MTUS1: variants seen among roughly 807,000 people sequenced by gnomAD.
MTUS1 encodes microtubule-associated tumor suppressor 1.
In MTUS1, 109 loss-of-function variants were observed where a neutral mutation model predicts 120.8. That is an observed-to-expected ratio of 0.90 (90% CI 0.77 to 1.06). The LOEUF is 1.06. Ranked by LOEUF, MTUS1 falls within the 50% of genes least tolerant of loss-of-function variation. The pLI, the probability that MTUS1 is intolerant of heterozygous loss-of-function variation, is 0.00. For synonymous variants in MTUS1, 737 were observed against 550.5 expected (o/e 1.34, Z -4.74); for missense variants, 2,210 against 1,486.3 (o/e 1.49, Z -8.01).
intron 7 of MTUS1, among the ~76,000 whole-genome samples, chr8:17,678,868 T>G (rs908905755): frequency 2.0e-5 from 3 of 152,154 alleles, no homozygotes; most frequent in African/African-American, 7.2e-5. Context: ...GGAAGAAGCT[T>G]AATTACTACC....
intron 7 of MTUS1, among the ~76,000 whole-genome samples, chr8:17,679,554 T>C (rs1813890701): frequency 6.6e-6 from 1 of 151,754 alleles, no homozygotes; most frequent in Non-Finnish European, 1.5e-5. Context: ...CAGGCTGGAG[T>C]GCGGTGGTGC....
intron 6 of MTUS1, among the ~76,000 whole-genome samples, chr8:17,702,597 T>C (rs1819319932): frequency 1.3e-5 from 2 of 152,226 alleles, no homozygotes; most frequent in Non-Finnish European, 2.9e-5. Flanking sequence ...TTGACTATGT[T>C]AGATGCCTCC....
intron 7 of MTUS1, among the ~76,000 whole-genome samples, chr8:17,679,319 T>G (rs1472669726): frequency 1.1e-5 from 1 of 91,132 alleles, no homozygotes; most frequent in Non-Finnish European, 2.7e-5. Context: ...AATGTGTATC[T>G]GTATCTATTT....
chr8:17,756,280 A>T (rs2048603159), intron 1 of MTUS1, among the ~76,000 whole-genome samples: 1 of 152,176 alleles, frequency 6.6e-6, no homozygotes, highest in Admixed American at 6.5e-5. Flanking sequence ...TAAATCTGGC[A>T]ATAGTATTTT....
At chr8:17,688,696 C>T (rs1816343728) in intron 6 of MTUS1, among the ~76,000 whole-genome samples, 1 of 152,162 alleles carries the variant, frequency 6.6e-6, no homozygotes, top group Non-Finnish European at 1.5e-5. Flanking sequence ...ATCTTACATA[C>T]AGTTTTTTAA....
intron 7 of MTUS1, among the ~76,000 whole-genome samples, chr8:17,683,170 G>A (rs1168082879): frequency 1.3e-5 from 2 of 152,152 alleles, no homozygotes; most frequent in Non-Finnish European, 2.9e-5. Context: ...TACTCGGGAG[G>A]CTGAGGCAGG....
rs760388718 is a variant in MTUS1 at position 17,697,230 on chromosome 8, C to A, written c.2624-12688G>T. On this transcript the variant is annotated intron_variant, in intron 6 of 14. Coordinates refer to ENST00000693296, the MANE Select transcript of MTUS1 (RefSeq NM_001363059.2). ...TAATGAAGACATCCCCCGTGCAACACTAAACAGAGATCTATGCGAGACAGA... is the reference window on the plus strand; with the variant it reads ...TAATGAAGACATCCCCCGTGCAACAATAAACAGAGATCTATGCGAGACAGA... 11 of 1,588,362 alleles carry A rather than the reference C, an allele frequency of 6.9e-6. No homozygotes were observed. The Middle Eastern group carries it at 1.2e-3, about 169-fold the overall frequency.
At position 17,759,074 on chromosome 8, in the gene MTUS1, T is replaced by G. The variant is rs542930901; in HGVS notation, c.-154-3113A>C. 4.4e-4 allele frequency among the ~76,000 whole-genome samples: 67 copies of G among 150,904 alleles called. 1 individual carries two copies. The South Asian group carries it at 0.011, about 24-fold the overall frequency. On this transcript the variant is annotated intron_variant, in intron 1 of 14. Transcript: ENST00000693296. The stretch of plus-strand genomic sequence containing the variant: ...TTTTCTGTATTTTTAGTAGAGATGG[T>G]GTTCCACTGTGTTAGCCAGCATGGT...
Position 17,648,948 on chromosome 8 carries a change from C to G in MTUS1, c.3501+898G>C, listed in dbSNP as rs1452668917. On this transcript the variant is annotated intron_variant, in intron 13 of 14. Coordinates refer to ENST00000693296, the MANE Select transcript of MTUS1 (RefSeq NM_001363059.2). ...GTCCTGGCTGGCAGCAGCTGTATTT[C>G]AGGGCCGGGCCAAGACTGACGCTGA... 7.9e-5 allele frequency among the ~76,000 whole-genome samples: 12 copies of G among 152,226 alleles called. 1 individual carries two copies. Among genetic ancestry groups the G allele is most frequent in the Non-Finnish European group, 1.5e-5 (1 of 68,046 alleles).
intron 7 of MTUS1, among the ~76,000 whole-genome samples, chr8:17,684,126 G>C (rs1428355491): frequency 6.6e-6 from 1 of 152,186 alleles, no homozygotes; most frequent in Non-Finnish European, 1.5e-5. Context: ...GGGAAAAAAA[G>C]GAAGTGAGAA....
chr8:17,721,852 G>A, intron 4 of MTUS1: 1 of 1,614,084 alleles, frequency 6.2e-7, no homozygotes, highest in Middle Eastern at 1.6e-4. Flanking sequence ...AAAGATTTTT[G>A]AAGAAATATC....
intron 7 of MTUS1, 31 bp from the exon 8 acceptor site, chr8:17,675,283 C>T (rs764288306): frequency 1.2e-6 from 2 of 1,606,996 alleles, no homozygotes; most frequent in Non-Finnish European, 1.7e-6. Context: ...GTTACTCATG[C>T]TTTCAAGAGG....
In MTUS1 at chr8:17,754,555, A is replaced by C. The variant is rs75253845; in HGVS notation, c.1253T>G (p.Met418Arg). Residue 418 changes from methionine to arginine, a missense_variant, in exon 2 of 15, where the codon ATG (methionine) becomes AGG (arginine). By Grantham distance (91) the Met-to-Arg change is moderately conservative. Coordinates refer to ENST00000693296, the MANE Select transcript of MTUS1 (RefSeq NM_001363059.2). ...CATCGTTTTGTCTGTGCTAATGACC[A>C]TATCATTTGCATCCCAAGTCAGTCC... is the stretch of plus-strand genomic sequence containing the variant. The part of the protein sequence containing the change: ...SFGLTWDAND[M>R]VISTDKTMCM... 3.9e-3 allele frequency: 6,308 copies of C among 1,614,178 alleles called. 196 individuals are homozygous for C. In the African/African-American group the frequency reaches 0.074, roughly 19 times the overall value.
In MTUS1 at chr8:17,755,930, G is replaced by C. The variant is rs1297008501; in HGVS notation, c.-123C>G. 2 of 1,448,564 alleles carry C rather than the reference G, an allele frequency of 1.4e-6. No homozygotes were observed. The highest frequency in any genetic ancestry group is 1.8e-6 in the Non-Finnish European group (2 of 1,106,980). 89.7% of individuals were successfully genotyped at this position (1,448,564 alleles called of 1,614,324 possible). A position where few individuals can be genotyped will look rare whatever the true frequency, so the allele number is the denominator to read the frequency against. ...CACAGTTGAAAGGTTTTCAGTCTAAGATGCTCTGAAGATTAAATGATTTGT... is the reference window on the plus strand; with the variant it reads ...CACAGTTGAAAGGTTTTCAGTCTAACATGCTCTGAAGATTAAATGATTTGT... On this transcript the variant is annotated 5_prime_UTR_variant, in exon 2 of 15. It adds an upstream start codon to the 5' untranslated region. Coordinates refer to ENST00000693296, the MANE Select transcript of MTUS1 (RefSeq NM_001363059.2).
At chr8:17,662,444 C>G (rs1294878856) in intron 8 of MTUS1, among the ~76,000 whole-genome samples, 1 of 150,708 alleles carries the variant, frequency 6.6e-6, no homozygotes, top group East Asian at 1.9e-4. Context: ...CAACCTCCAC[C>G]TCCCGGGTTC....
chr8:17,655,618 G>A (rs1808035164), intron 9 of MTUS1, among the ~76,000 whole-genome samples: 1 of 152,130 alleles, frequency 6.6e-6, no homozygotes, highest in Non-Finnish European at 1.5e-5. Context: ...CAGCTACTCA[G>A]GAGGTTGAGG....
chr8:17,697,330 C>T (rs1455518813), intron 6 of MTUS1: 1 of 1,614,160 alleles, frequency 6.2e-7, no homozygotes, highest in Non-Finnish European at 8.5e-7. Flanking sequence ...CTTTGGCCGT[C>T]AGTCGTATGT....
chr8:17,733,937 C>T (rs927388188), intron 3 of MTUS1, among the ~76,000 whole-genome samples: 1 of 152,180 alleles, frequency 6.6e-6, no homozygotes, highest in Non-Finnish European at 1.5e-5. Flanking sequence ...TAAACCAAGC[C>T]TGGCCCCTAC....
At chr8:17,669,851 A>G (rs200388596) in intron 8 of MTUS1, among the ~76,000 whole-genome samples, 3 of 104,960 alleles carry the variant, frequency 2.9e-5, no homozygotes, top group African/African-American at 8.6e-5. Context: ...CTTCTAAAAA[A>G]CAAAAAAAAC....
Sources: allele counts gnomAD v4.1 joint callset (sites outside exome capture counted in the v4.1 genomes callset), GRCh38; gene constraint gnomAD v4.1.1; transcripts MANE v1.5; gene names NCBI Gene and HGNC (gene_info 2026-07-23, HGNC 2026-07-21).